Variants in AGBL1 observed in about 807,000 individuals in gnomAD.
AGBL1 encodes the protein cytosolic carboxypeptidase 4.
Under a neutral mutation model 118.9 loss-of-function variants are expected in AGBL1, and 130 were observed. The observed-to-expected ratio is 1.09, with a 90% CI of 0.95 to 1.26. The LOEUF (loss-of-function observed/expected upper bound fraction) is 1.26. AGBL1 is among the 50% of genes most tolerant of loss of function. The probability of loss-of-function intolerance (pLI) is 0.00; values close to 1 mark genes in which losing one functional copy is unlikely to be tolerated. For synonymous variants in AGBL1, 555 were observed against 478.9 expected (o/e 1.16, Z -2.08); for missense variants, 1,584 against 1,298.1 (o/e 1.22, Z -3.38).
At chr15:86,938,454 A>G (rs1292304288) in intron 23 of AGBL1, among the ~76,000 whole-genome samples, 3 of 152,158 alleles carry the variant, frequency 2.0e-5, no homozygotes, top group Non-Finnish European at 4.4e-5. Flanking sequence ...TCTTTTGGAG[A>G]AAACCAAAGT....
chr15:86,262,937 G>A (rs561280315), intron 10 of AGBL1, 43 bp downstream of exon 10: 1 of 1,468,094 alleles, frequency 6.8e-7, no homozygotes, highest in East Asian at 2.4e-5. Flanking sequence ...GATGCATGAT[G>A]GGTTCTTTGC....
intron 5 of AGBL1, among the ~76,000 whole-genome samples, chr15:86,211,297 G>T (rs910936143): frequency 6.6e-6 from 1 of 152,216 alleles, no homozygotes; most frequent in Non-Finnish European, 1.5e-5. Flanking sequence ...AGGGGTCAGG[G>T]ATCCACTTGA....
intron 22 of AGBL1, among the ~76,000 whole-genome samples, chr15:86,719,829 G>T (rs759524844): frequency 6.6e-6 from 1 of 152,188 alleles, no homozygotes; most frequent in African/African-American, 2.4e-5. Context: ...GGAAATACCC[G>T]TGCCTGTTTA....
chr15:86,327,472 G>A (rs1454347576), intron 17 of AGBL1, among the ~76,000 whole-genome samples: 3 of 152,114 alleles, frequency 2.0e-5, no homozygotes, highest in African/African-American at 7.2e-5. Context: ...TAGAAATTTT[G>A]GTCTGAATGT....
intron 18 of AGBL1, among the ~76,000 whole-genome samples, chr15:86,421,650 G>C (rs1034892220): frequency 1.3e-5 from 2 of 152,132 alleles, no homozygotes; most frequent in African/African-American, 4.8e-5. Context: ...AAAAGACAAA[G>C]ACTGGCAAAT....
At chr15:86,958,360 A>T (rs1294802134) in intron 23 of AGBL1, among the ~76,000 whole-genome samples, 1 of 152,126 alleles carries the variant, frequency 6.6e-6, no homozygotes, top group Non-Finnish European at 1.5e-5. Flanking sequence ...TGCCCTCTGG[A>T]GGGTAAAATG....
chr15:86,178,003 A>T (rs1167948817), intron 5 of AGBL1, among the ~76,000 whole-genome samples: 1 of 152,250 alleles, frequency 6.6e-6, no homozygotes, highest in Non-Finnish European at 1.5e-5. Context: ...GTTCTTTGAG[A>T]TCAATAAAAT....
chr15:86,353,653 AG>A (rs1185345388), intron 17 of AGBL1, among the ~76,000 whole-genome samples: 1 of 152,238 alleles, frequency 6.6e-6, no homozygotes, highest in African/African-American at 2.4e-5. Context: ...AGAGAAATGC[AG>A]GTATGAAAGA....
At chr15:86,508,201 C>A (rs183678562) in intron 18 of AGBL1, among the ~76,000 whole-genome samples, 54 of 151,930 alleles carry the variant, frequency 3.6e-4, no homozygotes, top group Middle Eastern at 3.4e-3. Context: ...GGATTACAGG[C>A]GTGAACCACT....
At position 86,411,346 on chromosome 15, in the gene AGBL1, C is replaced by T. The variant is rs115667822; in HGVS notation, c.2555+13800C>T. Among the ~76,000 whole-genome samples the T allele has an allele frequency of 1.0e-2, 1,517 of 152,168 alleles. 31 individuals are homozygous for T. The highest frequency in any genetic ancestry group is 0.033 in the African/African-American group (1,368 of 41,512). On this transcript the variant is annotated intron_variant, in intron 18 of 22. Coordinates refer to ENST00000614907, the MANE Select transcript of AGBL1 (RefSeq NM_001386094.1). ...CTAGAAAAGTGCACCTATCAGGAAC[C>T]AGAAGGAATTGCACCTCGAAGGCTG...
At chr15:86,763,820 T>C (rs2078059966) in intron 22 of AGBL1, among the ~76,000 whole-genome samples, 1 of 152,062 alleles carries the variant, frequency 6.6e-6, no homozygotes, top group African/African-American at 2.4e-5. Context: ...ACTCAAACAG[T>C]GCATGATTTT....
chr15:86,382,543 G>C (rs763976440), intron 17 of AGBL1, among the ~76,000 whole-genome samples: 1 of 151,302 alleles, frequency 6.6e-6, no homozygotes, highest in Non-Finnish European at 1.5e-5. Flanking sequence ...CGGCTTAAAC[G>C]TAAAAGGCCG....
chr15:86,185,429 T>C (rs2077615290), intron 5 of AGBL1, among the ~76,000 whole-genome samples: 1 of 152,296 alleles, frequency 6.6e-6, no homozygotes, highest in East Asian at 1.9e-4. Flanking sequence ...GGATTATAAA[T>C]CATGCTGCTA....
intron 23 of AGBL1, among the ~76,000 whole-genome samples, chr15:86,945,389 C>T (rs537555185): frequency 4.3e-4 from 66 of 152,070 alleles, no homozygotes; most frequent in South Asian, 2.5e-3. Flanking sequence ...AAAAACCAGC[C>T]GGGCACAGTG....
intron 17 of AGBL1, among the ~76,000 whole-genome samples, chr15:86,303,553 A>AT (rs2079789092): frequency 6.6e-6 from 1 of 152,184 alleles, no homozygotes; most frequent in Non-Finnish European, 1.5e-5. Flanking sequence ...GGAAATATAC[A>AT]TTTTCAGAGG....
intron 10 of AGBL1, 97 bp from the exon 11 acceptor site, chr15:86,264,161 G>A (rs2079034824): frequency 9.7e-7 from 1 of 1,028,568 alleles, no homozygotes; most frequent in Admixed American, 2.9e-5. Context: ...CAGGATTTAT[G>A]CTTAGCTCTG....
intron 21 of AGBL1, among the ~76,000 whole-genome samples, chr15:86,555,545 TTAGTC>T (rs2083722137): frequency 6.6e-6 from 1 of 152,214 alleles, no homozygotes. Flanking sequence ...AAATAGCCAC[TTAGTC>T]TAAAGACTTG....
At chr15:86,666,030 T>C (rs1440866145) in intron 21 of AGBL1, among the ~76,000 whole-genome samples, 7 of 152,172 alleles carry the variant, frequency 4.6e-5, no homozygotes, top group African/African-American at 1.4e-4. Context: ...TAATAGTTTT[T>C]ACTTTTTATT....
At chr15:86,113,258 TTTCTTTCTTTC>T (rs1897534998) in intron 1 of AGBL1, among the ~76,000 whole-genome samples, 2 of 40,786 alleles carry the variant, frequency 4.9e-5, no homozygotes, top group South Asian at 6.7e-4. Context: ...TTTTCTTTTC[TTTCTTTCTTTC>T]TTTCTTTTTC....
Sources: gnomAD v4.1 joint callset for allele counts (sites outside exome capture counted in the v4.1 genomes callset) on GRCh38, gnomAD v4.1.1 for gene constraint, MANE v1.5 for transcripts, NCBI Gene and HGNC (gene_info 2026-07-23, HGNC 2026-07-21) for gene names.